The following NPC1 variants were observed in gnomAD, a reference collection of about 807,000 sequenced individuals.
NPC1 encodes NPC intracellular cholesterol transporter 1.
Under a neutral mutation model 140.4 loss-of-function variants are expected in NPC1, and 85 were observed. The observed-to-expected ratio is 0.61, with a 90% CI of 0.51 to 0.72. The LOEUF (loss-of-function observed/expected upper bound fraction) is 0.72, where lower values mean the gene tolerates loss of function less well. NPC1 is among the 30% of genes least tolerant of loss of function. NPC1 has a pLI of 0.00. For missense variants in NPC1, 1,504 were observed against 1,623.8 expected (o/e 0.93, Z 1.27); for synonymous variants, 656 against 624.8 (o/e 1.05, Z -0.74).
At chr18:23,580,707 C>G (rs953725086) in intron 1 of NPC1, among the ~76,000 whole-genome samples, 2 of 152,232 alleles carry the variant, frequency 1.3e-5, no homozygotes, top group Non-Finnish European at 1.5e-5. Context: ...ACTTCCCTAC[C>G]TCATTGCTTC....
intron 14 of NPC1, among the ~76,000 whole-genome samples, chr18:23,542,728 A>G (rs2058729455): frequency 6.6e-6 from 1 of 152,214 alleles, no homozygotes; most frequent in South Asian, 2.1e-4. Context: ...GCCTTTGAAA[A>G]CAACGGCAAA....
chr18:23,565,314 G>T (rs1207653746), intron 4 of NPC1, among the ~76,000 whole-genome samples: 1 of 152,084 alleles, frequency 6.6e-6, no homozygotes, highest in Non-Finnish European at 1.5e-5. Flanking sequence ...CATTTATTTA[G>T]ATCCTCGTTA....
At chr18:23,531,159 T>A (rs757245846), downstream of NPC1, among the ~76,000 whole-genome samples, 1 of 152,014 alleles carries the variant, frequency 6.6e-6, no homozygotes, top group African/African-American at 2.4e-5. Flanking sequence ...CCCGGCTGAT[T>A]TTTGTATTTT....
chr18:23,516,499 G>C (rs2058008735), intron 3 of NPC1: 6 of 1,472,332 alleles, frequency 4.1e-6, no homozygotes, highest in Non-Finnish European at 5.7e-6. Flanking sequence ...TGTGTTACAA[G>C]CACCACGTGA....
chr18:23,543,571 TTAAAA>T lies in NPC1; in HGVS notation c.2131-7_2131-3del. ...TTCCCCTTGAAGACGTTCATCTCTCTTAAAAAAAAAAAAAAAAAATTATGCGACAT... is the reference window on the plus strand; with the variant it reads ...TTCCCCTTGAAGACGTTCATCTCTCTAAAAAAAAAAAAAATTATGCGACAT... On this transcript the variant is annotated splice_region_variant and splice_polypyrimidine_tract_variant and intron_variant, in intron 13 of 24. Coordinates refer to ENST00000269228, the MANE Select transcript of NPC1 (RefSeq NM_000271.5). The T allele has an allele frequency of 7.1e-7, 1 of 1,417,596 alleles. No homozygotes were observed. Among genetic ancestry groups the T allele is most frequent in the Non-Finnish European group, 9.4e-7 (1 of 1,060,704 alleles). The allele number at this position is 1,417,596 out of a possible 1,614,324, so 87.8% of individuals were successfully genotyped here.
chr18:23,544,943 A>ACCACCC lies in NPC1; in HGVS notation c.1947+16_1947+17insGGGTGG, dbSNP rs55809701. On this transcript the variant is annotated intron_variant, in intron 12 of 24. Transcript: ENST00000269228. ...GCTGTTAACCTCTAGAACATACACC[A>ACCACCC]CCCCCCCCCGGCTTACCAGAAGCCT... 9 of 1,042,296 alleles carry ACCACCC rather than the reference A, an allele frequency of 8.6e-6. No individual in the cohort carries two copies. The highest frequency in any genetic ancestry group is 2.7e-5 in the South Asian group (2 of 74,780). 64.6% of individuals were successfully genotyped at this position (1,042,296 alleles called of 1,614,324 possible). A position where few individuals can be genotyped will look rare whatever the true frequency, so the allele number is the denominator to read the frequency against.
chr18:23,568,799 A>G (rs1285764311), intron 4 of NPC1, 24 bp downstream of exon 4: 2 of 1,592,000 alleles, frequency 1.3e-6, no homozygotes, highest in South Asian at 2.2e-5. Context: ...GCTGTAAAAG[A>G]GGAATAATTA....
intron 4 of NPC1, among the ~76,000 whole-genome samples, chr18:23,564,567 C>T (rs952270870): frequency 6.6e-6 from 1 of 152,162 alleles, no homozygotes; most frequent in Non-Finnish European, 1.5e-5. Context: ...AAGCAATCCT[C>T]CTGCCTCAGC....
At chr18:23,541,238 A>AC in intron 15 of NPC1, 30 bp from the exon 16 acceptor site, 1 of 1,614,212 alleles carries the variant, frequency 6.2e-7, no homozygotes, top group Non-Finnish European at 8.5e-7. Flanking sequence ...CAAAGGTTAT[A>AC]CCCGCTAGCT....
chr18:23,543,322 C>A lies in NPC1; in HGVS notation c.2245+133G>T, dbSNP rs572132468. On this transcript the variant is annotated intron_variant, in intron 14 of 24. Transcript: ENST00000269228. ...CCAGCCTGGGTGGCAGAGTGAGACT[C>A]CGTCTCAGAGAAAAAAAAAAAAAAG... 4.9e-5 allele frequency: 30 copies of A among 609,434 alleles called. No individual in the cohort carries two copies. In the African/African-American group the frequency reaches 5.8e-4, roughly 12 times the overall value. The allele number at this position is 609,434 out of a possible 1,614,324, so 37.8% of individuals were successfully genotyped here. A position where few individuals can be genotyped will look rare whatever the true frequency, so the allele number is the denominator to read the frequency against.
At chr18:23,528,418 T>C (rs2058372915), downstream of NPC1, 1 of 154,172 alleles carries the variant, frequency 6.5e-6, no homozygotes, top group African/African-American at 2.4e-5. Context: ...GTATTACTTG[T>C]ACATCATATC....
At chr18:23,519,365 A>G (rs561102299), downstream of NPC1, among the ~76,000 whole-genome samples, 7 of 152,206 alleles carry the variant, frequency 4.6e-5, no homozygotes, top group East Asian at 1.4e-3. Flanking sequence ...AAAAAATACA[A>G]AAATTAGCCG....
intron 1 of NPC1, among the ~76,000 whole-genome samples, chr18:23,578,484 C>G (rs868305952): frequency 1.3e-5 from 2 of 152,248 alleles, no homozygotes; most frequent in South Asian, 4.1e-4. Flanking sequence ...AGCTGCTCAG[C>G]CTTCACTCCC....
At chr18:23,582,322 T>C (rs1359059695) in intron 1 of NPC1, among the ~76,000 whole-genome samples, 5 of 152,200 alleles carry the variant, frequency 3.3e-5, no homozygotes, top group Non-Finnish European at 7.3e-5. Context: ...TTAAAAGTTT[T>C]GCTGCCAAAG....
Position 23,573,438 on chromosome 18 carries a change from G to A in NPC1, c.180+14C>T, listed in dbSNP as rs904003019. The A allele has an allele frequency of 1.9e-6, 3 of 1,614,098 alleles. No homozygotes were observed. The highest frequency in any genetic ancestry group is 2.5e-6 in the Non-Finnish European group (3 of 1,179,994). On this transcript the variant is annotated intron_variant, in intron 2 of 24. Transcript: ENST00000269228. Reference sequence around the variant, plus strand: ...AGCATTTTGTGTTCCCAGTGCCTAAGATAATGAACTTACCTGCACTAAGTC... The same window carrying A: ...AGCATTTTGTGTTCCCAGTGCCTAAAATAATGAACTTACCTGCACTAAGTC...
chr18:23,559,356 T>G (rs1453666065), intron 6 of NPC1, among the ~76,000 whole-genome samples: 2 of 152,156 alleles, frequency 1.3e-5, no homozygotes, highest in Non-Finnish European at 2.9e-5. Flanking sequence ...ATTTTGCAAC[T>G]TTTTGGTTAA....
chr18:23,534,340 A>G (rs769331540), intron 23 of NPC1, 106 bp downstream of exon 23: 3 of 802,926 alleles, frequency 3.7e-6, no homozygotes, highest in Non-Finnish European at 4.2e-6. Context: ...AAAGCTTGCA[A>G]TCCTTAGAAG....
downstream of NPC1, among the ~76,000 whole-genome samples, chr18:23,525,749 G>T (rs993449743): frequency 4.6e-5 from 7 of 152,128 alleles, no homozygotes; most frequent in Non-Finnish European, 1.0e-4. Context: ...TAGAGACAGG[G>T]TCTTGCCATG....
In NPC1 at chr18:23,544,951, C is replaced by CCCG. The variant is rs1555634688; in HGVS notation, c.1947+8_1947+9insCGG. On this transcript the variant is annotated intron_variant, in intron 12 of 24. Coordinates refer to ENST00000269228, the MANE Select transcript of NPC1 (RefSeq NM_000271.5). ...CCTCTAGAACATACACCACCCCCCC[C>CCCG]CGGCTTACCAGAAGCCTGCGACAGC... The CCCG allele has an allele frequency of 1.4e-6, 2 of 1,436,106 alleles. No individual in the cohort carries two copies. The highest frequency in any genetic ancestry group is 2.5e-5 in the East Asian group (1 of 39,866). The allele number at this position is 1,436,106 out of a possible 1,614,324, so 89.0% of individuals were successfully genotyped here.
Sources: allele counts gnomAD v4.1 joint callset (sites outside exome capture counted in the v4.1 genomes callset), GRCh38; gene constraint gnomAD v4.1.1; transcripts MANE v1.5; gene names NCBI Gene and HGNC (gene_info 2026-07-23, HGNC 2026-07-21).